LRRC4C: variants seen among roughly 807,000 people sequenced by gnomAD.
The protein encoded by LRRC4C is leucine rich repeat containing 4C.
In LRRC4C, 5 loss-of-function variants were observed where a neutral mutation model predicts 33.6. The observed-to-expected ratio is 0.15, with a 90% CI of 0.08 to 0.31. The LOEUF (loss-of-function observed/expected upper bound fraction) is 0.31. Among genes scored for constraint, LRRC4C ranks in the 10% least tolerant of loss-of-function variants. The pLI is 1.00. For missense variants in LRRC4C, 560 were observed against 796.7 expected, an observed-to-expected ratio of 0.70 and a Z score of 3.58; for synonymous variants, 329 against 302.0, an observed-to-expected ratio of 1.09 and a Z score of -0.93.
intron 4 of LRRC4C, among the ~76,000 whole-genome samples, chr11:40,265,938 G>A (rs541944784): frequency 5.3e-5 from 8 of 152,280 alleles, no homozygotes; most frequent in African/African-American, 1.7e-4. Context: ...TTTTACATTT[G>A]TAGAATGGTT....
At chr11:41,162,726 T>C (rs1944529722) in intron 1 of LRRC4C, among the ~76,000 whole-genome samples, 2 of 152,212 alleles carry the variant, frequency 1.3e-5, no homozygotes, top group Admixed American at 6.5e-5. Context: ...TCAGGCACTT[T>C]CCATGAATGG....
chr11:40,375,732 A>G (rs1286942743), intron 3 of LRRC4C, among the ~76,000 whole-genome samples: 1 of 152,184 alleles, frequency 6.6e-6, no homozygotes, highest in African/African-American at 2.4e-5. Flanking sequence ...TAACCAACAT[A>G]TAAACGTAGA....
intron 1 of LRRC4C, among the ~76,000 whole-genome samples, chr11:41,126,566 A>G (rs1327793942): frequency 6.6e-6 from 1 of 152,030 alleles, no homozygotes; most frequent in Non-Finnish European, 1.5e-5. Context: ...GCATATTGCT[A>G]TAGTACTAAC....
At chr11:40,413,786 T>G (rs1480644653) in intron 3 of LRRC4C, among the ~76,000 whole-genome samples, 1 of 152,084 alleles carries the variant, frequency 6.6e-6, no homozygotes, top group African/African-American at 2.4e-5. Flanking sequence ...TACTTGAAAC[T>G]TTCCCAGGAT....
At position 40,128,269 on chromosome 11, in the gene LRRC4C, A is replaced by G. The variant is rs935426539; in HGVS notation, c.-42-11935T>C. 2.0e-5 allele frequency among the ~76,000 whole-genome samples: 3 copies of G among 152,222 alleles called. No homozygotes were observed. The East Asian group carries it at 5.8e-4, about 29-fold the overall frequency. Reference sequence around the variant, plus strand: ...CTGAACCTCCATAAAAGCCGCTACCATGTGACCAGTTGCACAAGGCAAAAT... The same window carrying G: ...CTGAACCTCCATAAAAGCCGCTACCGTGTGACCAGTTGCACAAGGCAAAAT... On this transcript the variant is annotated intron_variant, in intron 6 of 6. Coordinates refer to ENST00000528697, the MANE Select transcript of LRRC4C (RefSeq NM_001258419.2).
intron 2 of LRRC4C, among the ~76,000 whole-genome samples, chr11:40,804,841 T>C (rs766087418): frequency 1.3e-5 from 2 of 152,202 alleles, no homozygotes; most frequent in Non-Finnish European, 2.9e-5. Context: ...AAATAATTAG[T>C]ACTCCATTGC....
intron 1 of LRRC4C, among the ~76,000 whole-genome samples, chr11:41,203,960 CTTCTTT>C (rs1946498537): frequency 6.6e-6 from 1 of 152,112 alleles, no homozygotes; most frequent in South Asian, 2.1e-4. Flanking sequence ...CTTGTTTTTT[CTTCTTT>C]TTCTTTCTCT....
intron 3 of LRRC4C, among the ~76,000 whole-genome samples, chr11:40,522,449 G>A (rs1955860569): frequency 6.6e-6 from 1 of 152,120 alleles, no homozygotes; most frequent in South Asian, 2.1e-4. Flanking sequence ...GGACCCAGTG[G>A]GAGATAACTT....
chr11:41,023,340 T>C lies in LRRC4C; in HGVS notation c.-495-89617A>G, dbSNP rs533081735. ...TAGGAGTCTCACTGCAAACAAAATATTATATTAAGATTCAGAATAAAACTA... is the reference window on the plus strand; with the variant it reads ...TAGGAGTCTCACTGCAAACAAAATACTATATTAAGATTCAGAATAAAACTA... On this transcript the variant is annotated intron_variant, in intron 1 of 6. Transcript: ENST00000528697. Among the ~76,000 whole-genome samples the C allele has an allele frequency of 2.5e-3, 385 of 151,836 alleles. 1 individual carries two copies. Among genetic ancestry groups the C allele is most frequent in the African/African-American group, 8.5e-3 (352 of 41,484 alleles).
At chr11:40,562,505 C>A (rs976959135) in intron 3 of LRRC4C, among the ~76,000 whole-genome samples, 1 of 141,800 alleles carries the variant, frequency 7.1e-6, no homozygotes, top group Non-Finnish European at 1.5e-5. Flanking sequence ...GTAGGTAATA[C>A]TATCTTTGCA....
intron 2 of LRRC4C, among the ~76,000 whole-genome samples, chr11:40,740,011 G>A (rs576489403): frequency 3.2e-4 from 49 of 151,382 alleles, no homozygotes; most frequent in South Asian, 1.5e-3. Context: ...ATACAAATAT[G>A]GCATAATCTT....
chr11:40,248,502 G>A (rs1178720278), intron 4 of LRRC4C, among the ~76,000 whole-genome samples: 1 of 152,090 alleles, frequency 6.6e-6, no homozygotes, highest in Non-Finnish European at 1.5e-5. Flanking sequence ...AGGCCAAGGA[G>A]GAAGTATCGT....
intron 3 of LRRC4C, among the ~76,000 whole-genome samples, chr11:40,528,729 G>A (rs1167938210): frequency 3.3e-5 from 5 of 152,024 alleles, no homozygotes; most frequent in African/African-American, 9.6e-5. Flanking sequence ...GCCAACTTAA[G>A]GGAAAAATCC....
intron 6 of LRRC4C, among the ~76,000 whole-genome samples, chr11:40,133,581 C>G (rs1382989162): frequency 1.3e-5 from 2 of 152,136 alleles, no homozygotes; most frequent in Non-Finnish European, 2.9e-5. Context: ...GCTATACCTA[C>G]CAGGGAACTC....
intron 3 of LRRC4C, among the ~76,000 whole-genome samples, chr11:40,604,469 G>A (rs114574261): frequency 1.9e-3 from 288 of 152,166 alleles, no homozygotes; most frequent in African/African-American, 6.8e-3. Flanking sequence ...CTAATATGAG[G>A]TGAGAAAATT....
intron 2 of LRRC4C, among the ~76,000 whole-genome samples, chr11:40,875,571 G>A (rs11036122): frequency 0.11 from 16,895 of 152,024 alleles, 1,204 homozygotes; most frequent in East Asian, 0.19. Flanking sequence ...ATTTATGCAA[G>A]TATTCCAAAA....
At chr11:41,312,832 T>A (rs1394796362) in intron 1 of LRRC4C, among the ~76,000 whole-genome samples, 4 of 152,166 alleles carry the variant, frequency 2.6e-5, no homozygotes, top group Non-Finnish European at 4.4e-5. Context: ...GCAATTTAGG[T>A]CTGACATGTA....
At chr11:40,117,549 G>A (rs930686562) in intron 6 of LRRC4C, among the ~76,000 whole-genome samples, 4 of 152,080 alleles carry the variant, frequency 2.6e-5, no homozygotes, top group Admixed American at 6.6e-5. Flanking sequence ...ATCTCTTGTG[G>A]CCAAAGGAAG....
At chr11:40,423,423 C>T (rs1028907139) in intron 3 of LRRC4C, among the ~76,000 whole-genome samples, 3 of 145,046 alleles carry the variant, frequency 2.1e-5, no homozygotes, top group South Asian at 4.4e-4. Flanking sequence ...CGGCTCACTG[C>T]AAGCTCCGCC....
Sources: gnomAD v4.1 joint callset for allele counts (sites outside exome capture counted in the v4.1 genomes callset) on GRCh38, gnomAD v4.1.1 for gene constraint, MANE v1.5 for transcripts, NCBI Gene and HGNC (gene_info 2026-07-23, HGNC 2026-07-21) for gene names.